DARS2: variants seen among roughly 807,000 people sequenced by gnomAD.
The protein encoded by DARS2 is aspartate--tRNA ligase, mitochondrial.
In DARS2, 63 loss-of-function variants were observed where a neutral mutation model predicts 83.0. The observed-to-expected ratio is 0.76, with a 90% CI of 0.62 to 0.94. DARS2 has a LOEUF of 0.94. Ranked by LOEUF, DARS2 falls within the 40% of genes least tolerant of loss-of-function variation. The probability of loss-of-function intolerance (pLI) is 0.00; values close to 1 mark genes in which losing one functional copy is unlikely to be tolerated. For missense variants in DARS2, 675 were observed against 774.4 expected, an observed-to-expected ratio of 0.87 and a Z score of 1.52; for synonymous variants, 250 against 269.3, an observed-to-expected ratio of 0.93 and a Z score of 0.70.
At chr1:173,838,954 C>G (rs1413691734) in intron 9 of DARS2, among the ~76,000 whole-genome samples, 1 of 152,080 alleles carries the variant, frequency 6.6e-6, no homozygotes, top group African/African-American at 2.4e-5. Context: ...CCAGGATGGT[C>G]TGGATCTCCT....
Position 173,839,509 on chromosome 1 carries a change from A to G in DARS2, c.983A>G (p.Tyr328Cys), listed in dbSNP as rs2102648093. The change falls in exon 10 of 17, where the codon TAT becomes TGT. Residue 328 changes from tyrosine (Y) to cysteine (C), a missense_variant. By Grantham distance (194) the Tyr-to-Cys change is radical. Coordinates refer to ENST00000649689, the MANE Select transcript of DARS2 (RefSeq NM_018122.5). ...TMTFAEVLAT[Y>C]GTDKPDTRFG... ...ACTTTTGCTGAGGTGCTGGCCACCT[A>G]TGGAACTGATAAACCTGACACTCGC... 6 of 1,614,134 alleles carry G rather than the reference A, an allele frequency of 3.7e-6. No individual in the cohort carries two copies. Among genetic ancestry groups the G allele is most frequent in the Non-Finnish European group, 5.1e-6 (6 of 1,180,010 alleles).
chr1:173,833,658 T>C (rs1652875689), intron 6 of DARS2, among the ~76,000 whole-genome samples, 159 bp downstream of exon 6: 1 of 152,252 alleles, frequency 6.6e-6, no homozygotes, highest in Non-Finnish European at 1.5e-5. Context: ...AAGTTAACAT[T>C]ATTTTAAAGA....
chr1:173,825,428 T>G, intron 1 of DARS2, 72 bp downstream of exon 1: 2 of 1,404,508 alleles, frequency 1.4e-6, no homozygotes, highest in Non-Finnish European at 1.9e-6. Context: ...GAGCTTTTAT[T>G]CCATTTTTCA....
At chr1:173,850,846 C>T (rs965312760) in intron 13 of DARS2, among the ~76,000 whole-genome samples, 1 of 151,844 alleles carries the variant, frequency 6.6e-6, no homozygotes, top group African/African-American at 2.4e-5. Flanking sequence ...CTTAGGCAGT[C>T]CACCCGCCGC....
chr1:173,825,372 A>C lies in DARS2; in HGVS notation c.127+16A>C. 6.2e-7 allele frequency: 1 copy of C among 1,611,238 alleles called. No individual in the cohort carries two copies. The highest frequency in any genetic ancestry group is 8.5e-7 in the Non-Finnish European group (1 of 1,178,224). ...AGAATTCCAGGTGAAAATAGCGAAGAGATCTATCCTATGAACAGTACTTCA... is the reference window on the plus strand; with the variant it reads ...AGAATTCCAGGTGAAAATAGCGAAGCGATCTATCCTATGAACAGTACTTCA... On this transcript the variant is annotated intron_variant, in intron 1 of 16. Coordinates refer to ENST00000649689, the MANE Select transcript of DARS2 (RefSeq NM_018122.5).
At chr1:173,837,097 A>C in intron 8 of DARS2, 51 bp downstream of exon 8, 1 of 1,492,348 alleles carries the variant, frequency 6.7e-7, no homozygotes, top group Middle Eastern at 1.7e-4. Flanking sequence ...GAGAAAAACA[A>C]AGGGAAAAAA....
At chr1:173,846,795 C>T (rs1211612506) in intron 12 of DARS2, among the ~76,000 whole-genome samples, 2 of 146,130 alleles carry the variant, frequency 1.4e-5, no homozygotes, top group Non-Finnish European at 3.0e-5. Context: ...GACCCTGTCT[C>T]AAAAAAAAAG....
rs907271643 is a variant in DARS2, at chr1:173,853,287, T to C, written c.1345-62T>C. 2.3e-5 allele frequency: 35 copies of C among 1,523,544 alleles called. No individual in the cohort carries two copies. In the African/African-American group the frequency reaches 4.5e-4, roughly 20 times the overall value. 94.4% of individuals were successfully genotyped at this position (1,523,544 alleles called of 1,614,324 possible). ...AATGGCCTGGCTTCGGAATCCAGGCTGTGTCATTTCCTGCCTGCTCTGTCA... is the reference window on the plus strand; with the variant it reads ...AATGGCCTGGCTTCGGAATCCAGGCCGTGTCATTTCCTGCCTGCTCTGTCA... On this transcript the variant is annotated intron_variant, in intron 13 of 16. Coordinates refer to ENST00000649689, the MANE Select transcript of DARS2 (RefSeq NM_018122.5).
chr1:173,838,523 G>A (rs1039045934), intron 9 of DARS2, among the ~76,000 whole-genome samples: 2 of 151,840 alleles, frequency 1.3e-5, no homozygotes, highest in Non-Finnish European at 2.9e-5. Context: ...GCCAAAACGA[G>A]CATGTGTCCT....
intron 2 of DARS2, among the ~76,000 whole-genome samples, chr1:173,827,888 A>G (rs1297000596): frequency 1.3e-5 from 2 of 152,200 alleles, no homozygotes; most frequent in East Asian, 1.9e-4. Context: ...CTATATTGCT[A>G]TATTTCAAAA....
At chr1:173,847,844 C>CTT (rs1160841148) in intron 12 of DARS2, among the ~76,000 whole-genome samples, 2,722 of 78,592 alleles carry the variant, frequency 0.035, 2 homozygotes, top group Non-Finnish European at 0.044. Context: ...CTTTCTGAAC[C>CTT]TTTTTTTTTT....
intron 6 of DARS2, 62 bp downstream of exon 6, chr1:173,833,561 G>A: frequency 6.2e-7 from 1 of 1,603,858 alleles, no homozygotes; most frequent in Non-Finnish European, 8.5e-7. Context: ...TTATTCAGCA[G>A]TTTTATTGTA....
chr1:173,848,088 C>G (rs1022048142), intron 12 of DARS2, among the ~76,000 whole-genome samples: 17 of 152,072 alleles, frequency 1.1e-4, no homozygotes, highest in Non-Finnish European at 2.1e-4. Flanking sequence ...CTCCTGACCT[C>G]GTGATCCGCC....
chr1:173,854,658 G>C (rs986708693), intron 15 of DARS2, among the ~76,000 whole-genome samples: 1 of 151,946 alleles, frequency 6.6e-6, no homozygotes, highest in East Asian at 1.9e-4. Context: ...CCACTACCCT[G>C]CTTAAAAAAA....
intron 11 of DARS2, among the ~76,000 whole-genome samples, chr1:173,844,632 T>C (rs1296905838): frequency 8.9e-6 from 1 of 112,716 alleles, no homozygotes; most frequent in Non-Finnish European, 1.6e-5. Context: ...ATCACGCCAC[T>C]GTACTCCAGC....
intron 10 of DARS2, among the ~76,000 whole-genome samples, chr1:173,840,023 G>A (rs996292637): frequency 2.6e-5 from 4 of 152,086 alleles, no homozygotes; most frequent in Admixed American, 2.6e-4. Context: ...TGCTCTTAAA[G>A]AGCAATATCC....
At position 173,825,047 on chromosome 1, in the gene DARS2, T is replaced by C; in HGVS notation, c.-183T>C. ...ACCCCAGCAAGCACCCCAGAGACCT[T>C]GGAGATTTGTCTTGTTTCTAGACAC... is the stretch of plus-strand genomic sequence containing the variant. On this transcript the variant is annotated 5_prime_UTR_variant, in exon 1 of 17. Transcript: ENST00000649689. 1 of 777,740 alleles carries C rather than the reference T, an allele frequency of 1.3e-6. No individual in the cohort carries two copies. Among genetic ancestry groups the C allele is most frequent in the Non-Finnish European group, 2.0e-6 (1 of 490,496 alleles). 48.2% of individuals were successfully genotyped at this position (777,740 alleles called of 1,614,324 possible).
chr1:173,853,927 C>A, intron 15 of DARS2, 22 bp downstream of exon 15: 1 of 1,565,908 alleles, frequency 6.4e-7, no homozygotes, highest in South Asian at 1.1e-5. Flanking sequence ...CATCTGCTAT[C>A]CTGGGCTTAT....
In DARS2 at chr1:173,834,510, GAC is replaced by G; in HGVS notation, c.655_656del (p.Thr219ProfsTer28). 3 of 1,605,052 alleles carry G rather than the reference GAC, an allele frequency of 1.9e-6. No homozygotes were observed. Among genetic ancestry groups the G allele is most frequent in the Non-Finnish European group, 2.6e-6 (3 of 1,172,094 alleles). Reference protein sequence around the residue: ...DIETPTLFKRTPGGAKEFLVP... With the variant: ...DIETPTLFKRXPGGAKEFLVP... Reference sequence around the variant, plus strand: ...TAGAAACCCCCACATTGTTTAAGAGGACCCCAGGGGTATGTATATTCCTTCAA... The same window carrying G: ...TAGAAACCCCCACATTGTTTAAGAGGCCCAGGGGTATGTATATTCCTTCAA... On this transcript the variant is annotated frameshift_variant, in exon 7 of 17. Transcript: ENST00000649689. LOFTEE classifies it high-confidence loss of function.
Sources: allele counts gnomAD v4.1 joint callset (sites outside exome capture counted in the v4.1 genomes callset), GRCh38; gene constraint gnomAD v4.1.1; transcripts MANE v1.5; gene names NCBI Gene and HGNC (gene_info 2026-07-23, HGNC 2026-07-21).